The following TNFRSF10D variants were observed in gnomAD, a reference collection of about 807,000 sequenced individuals.
The protein encoded by TNFRSF10D is TNF receptor superfamily member 10d.
In TNFRSF10D, 28 loss-of-function variants were observed where a neutral mutation model predicts 42.1. That is an observed-to-expected ratio of 0.66 (90% confidence interval 0.49 to 0.91). TNFRSF10D has a LOEUF of 0.91. TNFRSF10D is among the 40% of genes least tolerant of loss of function. The pLI, the probability that TNFRSF10D is intolerant of heterozygous loss-of-function variation, is 0.00. For missense variants in TNFRSF10D, 503 were observed against 486.1 expected (o/e 1.03, Z -0.33); for synonymous variants, 186 against 189.4 (o/e 0.98, Z 0.15).
intron 7 of TNFRSF10D, among the ~76,000 whole-genome samples, chr8:23,141,094 C>G (rs1268537167): frequency 6.6e-6 from 1 of 152,088 alleles, no homozygotes; most frequent in Non-Finnish European, 1.5e-5. Context: ...AGAAAACACC[C>G]CTCTGGACAT....
At chr8:23,144,732 T>C in intron 6 of TNFRSF10D, 97 bp from the exon 7 acceptor site, 1 of 1,434,766 alleles carries the variant, frequency 7.0e-7, no homozygotes, top group East Asian at 2.4e-5. Context: ...CCCCTTCCAA[T>C]GAGGTCACCC....
intron 1 of TNFRSF10D, among the ~76,000 whole-genome samples, chr8:23,156,519 C>T (rs1418028578): frequency 2.9e-3 from 438 of 151,166 alleles, no homozygotes; most frequent in African/African-American, 9.3e-3. Flanking sequence ...GCTCTCACAC[C>T]CTTACTCCTT....
intron 1 of TNFRSF10D, 39 bp downstream of exon 1, chr8:23,163,747 T>C: frequency 1.9e-6 from 3 of 1,597,150 alleles, no homozygotes; most frequent in Non-Finnish European, 2.6e-6. Context: ...CGGCGCCAGG[T>C]GCGCTCTTCC....
Position 23,137,206 on chromosome 8 carries a change from A to C in TNFRSF10D, c.*664T>G, listed in dbSNP as rs991958394. The C allele has an allele frequency of 6.6e-6, 1 of 152,268 alleles. No homozygotes were observed. Among genetic ancestry groups the C allele is most frequent in the African/African-American group, 2.4e-5 (1 of 41,474 alleles). The allele number at this position is 152,268 out of a possible 1,614,324, so 9.4% of individuals were successfully genotyped here. A position where few individuals can be genotyped will look rare whatever the true frequency, so the allele number is the denominator to read the frequency against. On this transcript the variant is annotated 3_prime_UTR_variant, in exon 9 of 9. Coordinates refer to ENST00000312584, the MANE Select transcript of TNFRSF10D (RefSeq NM_003840.5). ...CTCTAAGTCGAACCCTCGTAAGTCC[A>C]TATGCTCATGACTTAGCATAGGGCT...
intron 1 of TNFRSF10D, among the ~76,000 whole-genome samples, chr8:23,163,089 C>CTCTTTT (rs766517435): frequency 5.2e-5 from 3 of 57,206 alleles, no homozygotes; most frequent in East Asian, 4.3e-4. Context: ...GCCTGGCTAA[C>CTCTTTT]TTTTTTTTTT....
chr8:23,148,314 G>T, intron 3 of TNFRSF10D, 124 bp downstream of exon 3: 1 of 506,242 alleles, frequency 2.0e-6, no homozygotes, highest in Non-Finnish European at 3.6e-6. Context: ...CATAATCATG[G>T]AACAGGGCAT....
intron 1 of TNFRSF10D, among the ~76,000 whole-genome samples, chr8:23,158,469 C>T (rs1800311920): frequency 1.3e-5 from 2 of 152,170 alleles, no homozygotes; most frequent in South Asian, 4.1e-4. Flanking sequence ...AGGCCCATCT[C>T]ATATAGACAA....
At position 23,163,965 on chromosome 8, in the gene TNFRSF10D, CA is replaced by C. The variant is rs1425572284; in HGVS notation, c.-31del. 4.8e-4 allele frequency: 727 copies of C among 1,529,848 alleles called. No homozygotes were observed. The African/African-American group carries it at 8.7e-3, about 18-fold the overall frequency. The allele number at this position is 1,529,848 out of a possible 1,614,324, so 94.8% of individuals were successfully genotyped here. On this transcript the variant is annotated 5_prime_UTR_variant, in exon 1 of 9. Coordinates refer to ENST00000312584, the MANE Select transcript of TNFRSF10D (RefSeq NM_003840.5). Reference sequence around the variant, plus strand: ...AGGGAGGAGGGTGGATCGAAAGCGCCAAAAATCAATCAGAAATCGTCCCCGT... The same window carrying C: ...AGGGAGGAGGGTGGATCGAAAGCGCCAAAATCAATCAGAAATCGTCCCCGT...
chr8:23,143,695 G>A (rs1475207824), intron 7 of TNFRSF10D, among the ~76,000 whole-genome samples: 11 of 152,132 alleles, frequency 7.2e-5, no homozygotes, highest in African/African-American at 2.2e-4. Flanking sequence ...CTAAACAGGC[G>A]TGGAGGAAGG....
intron 3 of TNFRSF10D, among the ~76,000 whole-genome samples, chr8:23,147,572 T>G (rs1451265664): frequency 1.3e-5 from 2 of 152,176 alleles, no homozygotes; most frequent in East Asian, 3.9e-4. Context: ...GCTGTAATGA[T>G]GCCCCCACCC....
chr8:23,161,728 G>A (rs1462435113), intron 1 of TNFRSF10D, among the ~76,000 whole-genome samples: 556 of 151,558 alleles, frequency 3.7e-3, no homozygotes, highest in African/African-American at 0.012. Flanking sequence ...GACTAGCAAC[G>A]AATGAAAGCT....
chr8:23,138,755 C>T (rs1814389816), intron 7 of TNFRSF10D, among the ~76,000 whole-genome samples: 1 of 152,224 alleles, frequency 6.6e-6, no homozygotes, highest in African/African-American at 2.4e-5. Flanking sequence ...AATAAAATGG[C>T]AGTCTCTATG....
Position 23,138,188 on chromosome 8 carries a change from T to C in TNFRSF10D, c.1027A>G (p.Ile343Val), listed in dbSNP as rs760202992. Residue 343 changes from isoleucine to valine, a missense_variant and splice_region_variant, in exon 8 of 9, where the codon ATC becomes GTC. Coordinates refer to ENST00000312584, the MANE Select transcript of TNFRSF10D (RefSeq NM_003840.5). The part of the protein sequence containing the change: ...VPVNDADSAD[I>V]STLLDASATL... ...GCGTCTCAAGGCACAAAACACTTAC[T>C]GTCAGCGGAGTCAGCGTCATTCACT... 1.2e-6 allele frequency: 2 copies of C among 1,614,222 alleles called. No homozygotes were observed. The highest frequency in any genetic ancestry group is 3.3e-5 in the Admixed American group (2 of 60,024).
rs541647409 is a variant in TNFRSF10D at position 23,144,985 on chromosome 8, C to T, written c.768+73G>A. On this transcript the variant is annotated intron_variant, in intron 6 of 8. Transcript: ENST00000312584. ...CCATGAGGACAAGGGATTGTGCCCA[C>T]CCAGGCTCGGCAGTGGATGGGAAGC... is the stretch of plus-strand genomic sequence containing the variant. The T allele has an allele frequency of 6.2e-6, 10 of 1,600,018 alleles. No individual in the cohort carries two copies. In the South Asian group the frequency reaches 9.9e-5, roughly 16 times the overall value.
chr8:23,161,130 C>T (rs1291880960), intron 1 of TNFRSF10D, among the ~76,000 whole-genome samples: 1 of 152,212 alleles, frequency 6.6e-6, no homozygotes, highest in African/African-American at 2.4e-5. Context: ...GTTCATCCTC[C>T]CACACCTGCT....
At chr8:23,152,114 G>A (rs1800219429) in intron 2 of TNFRSF10D, among the ~76,000 whole-genome samples, 1 of 152,190 alleles carries the variant, frequency 6.6e-6, no homozygotes, top group Admixed American at 6.5e-5. Flanking sequence ...TTAGGAGACA[G>A]CCACTCTTTA....
In TNFRSF10D at chr8:23,146,953, T is replaced by C. The variant is rs775160005; in HGVS notation, c.482+8A>G. ...AAAGCTGTTGGGAGCCCCTGGCTGC[T>C]GTCTTACCCTGTTCTACACGTCCGG... On this transcript the variant is annotated splice_region_variant and intron_variant, in intron 4 of 8. Coordinates refer to ENST00000312584, the MANE Select transcript of TNFRSF10D (RefSeq NM_003840.5). The C allele has an allele frequency of 2.5e-6, 4 of 1,612,080 alleles. No individual in the cohort carries two copies. Among genetic ancestry groups the C allele is most frequent in the African/African-American group, 2.7e-5 (2 of 74,858 alleles).
intron 3 of TNFRSF10D, among the ~76,000 whole-genome samples, 162 bp downstream of exon 3, chr8:23,148,276 T>C (rs746835542): frequency 2.7e-5 from 4 of 150,842 alleles, no homozygotes; most frequent in Non-Finnish European, 4.4e-5. Context: ...AAAAAAAGAT[T>C]TCTATTTTTT....
At position 23,162,326 on chromosome 8, in the gene TNFRSF10D, T is replaced by C. The variant is rs186221337; in HGVS notation, c.150+1460A>G. 3.6e-3 allele frequency among the ~76,000 whole-genome samples: 547 copies of C among 152,346 alleles called. 4 individuals carry two copies. Among genetic ancestry groups the C allele is most frequent in the African/African-American group, 0.012 (488 of 41,586 alleles). On this transcript the variant is annotated intron_variant, in intron 1 of 8. Transcript: ENST00000312584. ...CCACACATTCTCTCTTCAGGGCCACTGTCCTGACACAGCCATTCTTCTAGC... is the reference window on the plus strand; with the variant it reads ...CCACACATTCTCTCTTCAGGGCCACCGTCCTGACACAGCCATTCTTCTAGC...
Sources: gnomAD v4.1 joint callset for allele counts (sites outside exome capture counted in the v4.1 genomes callset) on GRCh38, gnomAD v4.1.1 for gene constraint, MANE v1.5 for transcripts, NCBI Gene and HGNC (gene_info 2026-07-23, HGNC 2026-07-21) for gene names.